ITGBL1: variants seen among roughly 807,000 people sequenced by gnomAD.
ITGBL1 encodes the protein integrin beta-like protein 1.
Under a neutral mutation model 68.5 loss-of-function variants are expected in ITGBL1, and 51 were observed. That is an observed-to-expected ratio of 0.74 (90% CI 0.59 to 0.94). ITGBL1 has a LOEUF of 0.94. Ranked by LOEUF, ITGBL1 falls within the 40% of genes least tolerant of loss-of-function variation. The probability of loss-of-function intolerance (pLI) is 0.00; values close to 1 mark genes in which losing one functional copy is unlikely to be tolerated. For synonymous variants in ITGBL1, 209 were observed against 227.3 expected (o/e 0.92, Z 0.72); for missense variants, 649 against 647.4 (o/e 1.00, Z -0.03).
intron 3 of ITGBL1, 50 bp from the exon 4 acceptor site, chr13:101,575,374 A>G (rs1159796725): frequency 6.5e-7 from 1 of 1,545,926 alleles, no homozygotes; most frequent in Non-Finnish European, 8.9e-7. Flanking sequence ...TTCATTAATT[A>G]TAATTTTATG....
At chr13:101,554,603 G>T (rs2049975593) in intron 2 of ITGBL1, among the ~76,000 whole-genome samples, 1 of 152,180 alleles carries the variant, frequency 6.6e-6, no homozygotes, top group South Asian at 2.1e-4. Context: ...CCTATGTCAG[G>T]CATGTGTGGC....
chr13:101,617,589 C>A (rs1439478113), intron 7 of ITGBL1, among the ~76,000 whole-genome samples: 1 of 152,128 alleles, frequency 6.6e-6, no homozygotes, highest in Non-Finnish European at 1.5e-5. Flanking sequence ...ATTTGAAAGT[C>A]TTTTAAGCAG....
intron 7 of ITGBL1, among the ~76,000 whole-genome samples, chr13:101,686,523 A>G (rs2033758879): frequency 1.3e-5 from 2 of 152,002 alleles, no homozygotes. Context: ...ATTTTTACAT[A>G]TAATATATTC....
chr13:101,490,157 G>A (rs2048755486), intron 2 of ITGBL1, among the ~76,000 whole-genome samples: 1 of 152,046 alleles, frequency 6.6e-6, no homozygotes, highest in Non-Finnish European at 1.5e-5. Context: ...GTACATGAGG[G>A]TGGGGCCCCA....
At chr13:101,671,590 C>T (rs1268434181) in intron 7 of ITGBL1, among the ~76,000 whole-genome samples, 10 of 150,466 alleles carry the variant, frequency 6.6e-5, no homozygotes, top group African/African-American at 1.2e-4. Flanking sequence ...AGGCGCCCGC[C>T]ACCACGCCCG....
intron 2 of ITGBL1, among the ~76,000 whole-genome samples, chr13:101,471,556 GTGTGTGTGTGTGTA>G (rs1280742691): frequency 1.5e-4 from 19 of 127,250 alleles, no homozygotes; most frequent in African/African-American, 5.4e-4. Context: ...GTGTGTGTGT[GTGTGTGTGTGTGTA>G]TATATATTTC....
intron 7 of ITGBL1, among the ~76,000 whole-genome samples, chr13:101,650,329 G>A (rs185862657): frequency 2.6e-5 from 4 of 152,170 alleles, no homozygotes; most frequent in African/African-American, 4.8e-5. Flanking sequence ...TGTTTATAAG[G>A]AGATGATATA....
chr13:101,486,119 A>C (rs1430598537), intron 2 of ITGBL1, among the ~76,000 whole-genome samples: 1 of 152,002 alleles, frequency 6.6e-6, no homozygotes, highest in African/African-American at 2.4e-5. Flanking sequence ...AGTGGATAAA[A>C]AAAAAATGTG....
chr13:101,506,211 A>T (rs1208936427), intron 2 of ITGBL1, among the ~76,000 whole-genome samples: 1 of 152,170 alleles, frequency 6.6e-6, no homozygotes, highest in Non-Finnish European at 1.5e-5. Flanking sequence ...GATGTGTTGG[A>T]TTTTGGAACT....
At chr13:101,518,509 C>T (rs992046833) in intron 2 of ITGBL1, among the ~76,000 whole-genome samples, 1 of 152,086 alleles carries the variant, frequency 6.6e-6, no homozygotes, top group Non-Finnish European at 1.5e-5. Flanking sequence ...AGTGTTATTG[C>T]TCCTGTCATT....
In ITGBL1 at chr13:101,542,904, TGC is replaced by T. The variant is rs1234880418; in HGVS notation, c.317-24794_317-24793del. Among the ~76,000 whole-genome samples, 50 of 150,534 alleles carry T rather than the reference TGC, an allele frequency of 3.3e-4. 2 individuals are homozygous for T. In the East Asian group the frequency reaches 9.5e-3, roughly 29 times the overall value. On this transcript the variant is annotated intron_variant, in intron 2 of 10. Coordinates refer to ENST00000376180, the MANE Select transcript of ITGBL1 (RefSeq NM_004791.3). ...CCCTGCCTTTTTTTTGTTTTCCGTT[TGC>T]TTGGTAGATCTTCTTCCATCCTTTT... is the stretch of plus-strand genomic sequence containing the variant.
chr13:101,699,190 G>A (rs527534626), intron 8 of ITGBL1, among the ~76,000 whole-genome samples: 12 of 152,286 alleles, frequency 7.9e-5, no homozygotes, highest in Admixed American at 2.0e-4. Flanking sequence ...CACCTGTTTC[G>A]TGAATTTGTA....
At chr13:101,552,517 G>A (rs11616659) in intron 2 of ITGBL1, among the ~76,000 whole-genome samples, 1 of 152,074 alleles carries the variant, frequency 6.6e-6, no homozygotes, top group African/African-American at 2.4e-5. Flanking sequence ...TTGTTTTGTA[G>A]GAAAACTCTT....
chr13:101,695,739 A>G (rs2033986858), intron 8 of ITGBL1, among the ~76,000 whole-genome samples: 1 of 152,200 alleles, frequency 6.6e-6, no homozygotes, highest in Non-Finnish European at 1.5e-5. Flanking sequence ...CCCTGCTGCA[A>G]GAGACTCCAG....
At chr13:101,635,259 A>G (rs2032132930) in intron 7 of ITGBL1, among the ~76,000 whole-genome samples, 1 of 152,068 alleles carries the variant, frequency 6.6e-6, no homozygotes, top group Non-Finnish European at 1.5e-5. Context: ...AGATTTAGTC[A>G]CTGAGTTATT....
intron 7 of ITGBL1, among the ~76,000 whole-genome samples, chr13:101,667,015 C>A (rs1035009793): frequency 2.0e-5 from 3 of 152,172 alleles, no homozygotes; most frequent in Admixed American, 2.0e-4. Flanking sequence ...CTTAAAATTC[C>A]TTGACAGGGC....
rs868056194 is a variant in ITGBL1, at chr13:101,454,412, C to A, written c.316+312C>A. Among the ~76,000 whole-genome samples, 698 of 119,914 alleles carry A rather than the reference C, an allele frequency of 5.8e-3. 8 individuals carry two copies. Among genetic ancestry groups the A allele is most frequent in the African/African-American group, 0.02 (654 of 32,124 alleles). The allele number at this position is 119,914 out of a possible 152,430, so 78.7% of individuals were successfully genotyped here. A position where few individuals can be genotyped will look rare whatever the true frequency, so the allele number is the denominator to read the frequency against. On this transcript the variant is annotated intron_variant, in intron 2 of 10. Coordinates refer to ENST00000376180, the MANE Select transcript of ITGBL1 (RefSeq NM_004791.3). ...TGCCCTGGCTGGTCCCCCCCCCCCC[C>A]CCCAACTCCTGGAATCAAGCTATCC...
chr13:101,548,534 C>T (rs182609469), intron 2 of ITGBL1, among the ~76,000 whole-genome samples: 1 of 151,844 alleles, frequency 6.6e-6, no homozygotes, highest in East Asian at 1.9e-4. Flanking sequence ...TCATAGTCTT[C>T]CCCAAAAAGC....
At chr13:101,503,643 G>A (rs183331060) in intron 2 of ITGBL1, among the ~76,000 whole-genome samples, 16 of 152,266 alleles carry the variant, frequency 1.1e-4, no homozygotes, top group African/African-American at 2.9e-4. Context: ...TGAGTTTCCC[G>A]AAAAATGAGG....
Sources: allele counts gnomAD v4.1 joint callset (sites outside exome capture counted in the v4.1 genomes callset), GRCh38; gene constraint gnomAD v4.1.1; transcripts MANE v1.5; gene names NCBI Gene and HGNC (gene_info 2026-07-23, HGNC 2026-07-21).